The following SNRPN variants were observed in gnomAD, a reference collection of about 807,000 sequenced individuals.
SNRPN encodes small nuclear ribonucleoprotein-associated protein N.
Under a neutral mutation model 25.2 loss-of-function variants are expected in SNRPN, and 7 were observed. The observed-to-expected ratio is 0.28, with a 90% CI of 0.16 to 0.52. The LOEUF (loss-of-function observed/expected upper bound fraction) is 0.52, where lower values mean the gene tolerates loss of function less well. Among genes scored for constraint, SNRPN ranks in the 20% least tolerant of loss-of-function variants. SNRPN has a pLI of 0.96. For synonymous variants in SNRPN, 124 were observed against 110.6 expected, an observed-to-expected ratio of 1.12 and a Z score of -0.76; for missense variants, 196 against 322.5, an observed-to-expected ratio of 0.61 and a Z score of 3.00.
Position 24,956,355 on chromosome 15 carries a change from G to GGGGA in SNRPN, c.-391+1296_-391+1297insAGGG, listed in dbSNP as rs563996697. On this transcript the variant is annotated intron_variant, in intron 1 of 9. Coordinates refer to ENST00000390687, the MANE Select transcript of SNRPN (RefSeq NM_003097.6). ...CTTAGATCTGCGCAAGCGCTTCAGC[G>GGGGA]GGGGGGTGGCCGCTTCCTCCCTGTA... 1.2e-3 allele frequency among the ~76,000 whole-genome samples: 82 copies of GGGGA among 66,050 alleles called. 3 individuals are homozygous for GGGGA. Among genetic ancestry groups the GGGGA allele is most frequent in the Non-Finnish European group, 5.7e-4 (17 of 29,704 alleles). The allele number at this position is 66,050 out of a possible 152,430, so 43.3% of individuals were successfully genotyped here.
At chr15:24,825,249 A>C (rs1008449687) in intron 1 of SNRPN, among the ~76,000 whole-genome samples, 2 of 151,704 alleles carry the variant, frequency 1.3e-5, no homozygotes, top group Non-Finnish European at 2.9e-5. Flanking sequence ...TCATTCTTTT[A>C]TTGTATTATG....
At chr15:24,870,980 C>T (rs1697291259) in intron 1 of SNRPN, among the ~76,000 whole-genome samples, 1 of 151,662 alleles carries the variant, frequency 6.6e-6, no homozygotes, top group African/African-American at 2.4e-5. Flanking sequence ...TCCCAGGTTC[C>T]AGCAATTATC....
intron 2 of SNRPN, among the ~76,000 whole-genome samples, chr15:24,893,900 A>C (rs1390982652): frequency 6.6e-6 from 1 of 152,200 alleles, no homozygotes; most frequent in Non-Finnish European, 1.5e-5. Flanking sequence ...ATAGGAAAAG[A>C]AAAACTGAAG....
chr15:24,893,677 A>G (rs570209151), intron 2 of SNRPN, among the ~76,000 whole-genome samples: 1 of 145,968 alleles, frequency 6.9e-6, no homozygotes, highest in South Asian at 2.2e-4. Flanking sequence ...AAAGGTAAAT[A>G]TTCCTGATAG....
At chr15:24,892,601 G>A (rs2057762780) in intron 2 of SNRPN, among the ~76,000 whole-genome samples, 2 of 152,216 alleles carry the variant, frequency 1.3e-5, no homozygotes, top group South Asian at 4.1e-4. Flanking sequence ...GTTGGGTGTG[G>A]TGGCACATGC....
At chr15:24,927,276 G>A (rs532710475) in intron 3 of SNRPN, among the ~76,000 whole-genome samples, 74 of 151,628 alleles carry the variant, frequency 4.9e-4, no homozygotes, top group Non-Finnish European at 7.8e-4. Flanking sequence ...ATATGCTACC[G>A]TACCTGGCTA....
intron 3 of SNRPN, among the ~76,000 whole-genome samples, chr15:24,937,692 A>G (rs1010222991): frequency 6.6e-6 from 1 of 152,184 alleles, no homozygotes; most frequent in African/African-American, 2.4e-5. Flanking sequence ...TTGATGTGCA[A>G]CCATCACCAC....
intron 1 of SNRPN, among the ~76,000 whole-genome samples, chr15:24,961,546 G>T (rs1211562323): frequency 6.6e-6 from 1 of 152,024 alleles, no homozygotes; most frequent in East Asian, 1.9e-4. Context: ...AACATGGCGG[G>T]TTTTTTGTTT....
Position 24,863,561 on chromosome 15 carries a change from T to A in SNRPN, c.-579+6845T>A, listed in dbSNP as rs574099184. 1.2e-3 allele frequency among the ~76,000 whole-genome samples: 175 copies of A among 150,872 alleles called. 2 individuals are homozygous for A. The highest frequency in any genetic ancestry group is 6.8e-3 in the Middle Eastern group (2 of 294). On this transcript the variant is annotated intron_variant, in intron 1 of 11. Transcript: ENST00000400097. ...GACCATAACATGTATTTTGACTTTT[T>A]TCTACCACATGTACCCTTTCATGTG...
chr15:24,889,107 A>C (rs2057435896), intron 2 of SNRPN, among the ~76,000 whole-genome samples: 1 of 151,712 alleles, frequency 6.6e-6, no homozygotes, highest in African/African-American at 2.4e-5. Context: ...TAATAGAGAC[A>C]GGGTTTCACC....
intron 2 of SNRPN, among the ~76,000 whole-genome samples, chr15:24,966,777 T>C (rs961241837): frequency 1.3e-5 from 2 of 152,112 alleles, no homozygotes; most frequent in Non-Finnish European, 2.9e-5. Flanking sequence ...TGAAAAACCA[T>C]AGAAAAAAGT....
chr15:24,911,714 G>A (rs2059230598), intron 2 of SNRPN, among the ~76,000 whole-genome samples: 1 of 152,190 alleles, frequency 6.6e-6, no homozygotes, highest in South Asian at 2.1e-4. Flanking sequence ...AATGCCTCAG[G>A]GCCCAATCAG....
At chr15:24,943,270 ACTCTTCTTCAGGG>A (rs2061671323) in intron 3 of SNRPN, among the ~76,000 whole-genome samples, 2 of 148,564 alleles carry the variant, frequency 1.3e-5, no homozygotes, top group African/African-American at 5.2e-5. Flanking sequence ...TGTCTTCACC[ACTCTTCTTCAGGG>A]AGGTCTTCAG....
At chr15:24,945,722 T>C in intron 3 of SNRPN, among the ~76,000 whole-genome samples, 1 of 152,218 alleles carries the variant, frequency 6.6e-6, no homozygotes, top group Non-Finnish European at 1.5e-5. Flanking sequence ...GAGTAGGTAC[T>C]TTCTTTTCTT....
intron 2 of SNRPN, among the ~76,000 whole-genome samples, chr15:24,844,419 G>C (rs1159349421): frequency 6.6e-6 from 1 of 152,094 alleles, no homozygotes; most frequent in Non-Finnish European, 1.5e-5. Context: ...CATCTGTTAA[G>C]TACCGAAAAT....
intron 2 of SNRPN, chr15:24,848,861 A>G (rs186426581): frequency 2.6e-5 from 4 of 151,932 alleles, no homozygotes; most frequent in African/African-American, 9.7e-5. Flanking sequence ...AAAATGTACA[A>G]GGTTGAAAGA....
intron 1 of SNRPN, among the ~76,000 whole-genome samples, chr15:24,856,924 T>G (rs1412925167): frequency 6.6e-6 from 1 of 152,222 alleles, no homozygotes; most frequent in Non-Finnish European, 1.5e-5. Context: ...ATTTTCATCT[T>G]TTCCATGATC....
chr15:24,966,601 T>C (rs903355285), intron 2 of SNRPN, among the ~76,000 whole-genome samples: 1 of 152,172 alleles, frequency 6.6e-6, no homozygotes, highest in African/African-American at 2.4e-5. Flanking sequence ...GACATCTCAT[T>C]ACCAAGAACT....
intron 3 of SNRPN, among the ~76,000 whole-genome samples, chr15:24,940,528 T>A (rs1480506863): frequency 6.6e-6 from 1 of 152,246 alleles, no homozygotes; most frequent in East Asian, 1.9e-4. Flanking sequence ...AAGAGTTTAT[T>A]TCTGGGATCT....
Sources: allele counts gnomAD v4.1 joint callset (sites outside exome capture counted in the v4.1 genomes callset), GRCh38; gene constraint gnomAD v4.1.1; transcripts MANE v1.5; gene names NCBI Gene and HGNC (gene_info 2026-07-23, HGNC 2026-07-21).